The following DUSP22 variants were observed in gnomAD, a reference collection of about 807,000 sequenced individuals.
DUSP22 encodes dual specificity protein phosphatase 22.
In DUSP22, 24 loss-of-function variants were observed where a neutral mutation model predicts 24.5. The ratio of observed to expected loss-of-function variants is 0.98; its 90% CI spans 0.71 to 1.38. DUSP22 has a LOEUF of 1.38. DUSP22 is among the 40% of genes most tolerant of loss of function. DUSP22 has a pLI of 0.00. For synonymous variants in DUSP22, 160 were observed against 106.4 expected (o/e 1.50, Z -3.10); for missense variants, 330 against 269.2 (o/e 1.23, Z -1.58).
At chr6:345,993 G>A (rs946445032) in intron 5 of DUSP22, 65 bp downstream of exon 5, 8 of 1,588,658 alleles carry the variant, frequency 5.0e-6, no homozygotes, top group Non-Finnish European at 6.0e-6. Context: ...CCCATCAAGT[G>A]TTTTTCCGTG....
chr6:339,313 A>G (rs1017509010), intron 4 of DUSP22, among the ~76,000 whole-genome samples: 2 of 152,308 alleles, frequency 1.3e-5, no homozygotes, highest in African/African-American at 2.4e-5. Context: ...TAAAATGCCT[A>G]TCTCACAGGG....
At chr6:315,247 C>G (rs1317305955) in intron 3 of DUSP22, among the ~76,000 whole-genome samples, 1 of 152,428 alleles carries the variant, frequency 6.6e-6, no homozygotes, top group East Asian at 1.9e-4. Flanking sequence ...GCCCTAAATT[C>G]ACATCTGAGA....
intron 3 of DUSP22, among the ~76,000 whole-genome samples, chr6:333,754 G>C (rs1308803156): frequency 1.3e-5 from 2 of 152,282 alleles, no homozygotes; most frequent in East Asian, 3.8e-4. Flanking sequence ...GCCCCGCAAA[G>C]AGCATGTGCT....
At chr6:293,535 G>C (rs1326086986) in intron 1 of DUSP22, among the ~76,000 whole-genome samples, 1 of 152,386 alleles carries the variant, frequency 6.6e-6, no homozygotes, top group Middle Eastern at 3.4e-3. Flanking sequence ...TCTACATGCC[G>C]TCAGCTTCCA....
intron 3 of DUSP22, among the ~76,000 whole-genome samples, chr6:331,944 C>T (rs928044428): frequency 2.6e-5 from 4 of 152,306 alleles, no homozygotes; most frequent in African/African-American, 7.2e-5. Context: ...CGCTGGTGTC[C>T]CTTGAGCATG....
At chr6:329,828 CTG>C (rs1171137176) in intron 3 of DUSP22, among the ~76,000 whole-genome samples, 8 of 152,388 alleles carry the variant, frequency 5.2e-5, no homozygotes, top group African/African-American at 1.7e-4. Flanking sequence ...GAGTCTTCTG[CTG>C]TGTGTGTTTC....
intron 1 of DUSP22, among the ~76,000 whole-genome samples, chr6:296,576 CAA>C: frequency 6.6e-6 from 1 of 152,418 alleles, no homozygotes; most frequent in Non-Finnish European, 1.5e-5. Context: ...CTAGTTGACT[CAA>C]AGTTCTCTCG....
intron 3 of DUSP22, among the ~76,000 whole-genome samples, chr6:317,051 T>C (rs1338479100): frequency 6.6e-6 from 1 of 152,310 alleles, no homozygotes; most frequent in East Asian, 1.9e-4. Flanking sequence ...TATATTTCTT[T>C]TAACATTGAA....
At chr6:347,694 G>C (rs1759947533) in intron 5 of DUSP22, among the ~76,000 whole-genome samples, 2 of 152,302 alleles carry the variant, frequency 1.3e-5, no homozygotes, top group Admixed American at 6.5e-5. Flanking sequence ...GACTTTTAAG[G>C]AACATGAAGC....
intron 1 of DUSP22, among the ~76,000 whole-genome samples, chr6:304,382 G>C (rs1261782805): frequency 5.3e-5 from 8 of 152,300 alleles, no homozygotes; most frequent in African/African-American, 1.9e-4. Flanking sequence ...CACCAGCACT[G>C]CAGGGCTGCA....
In DUSP22 at chr6:350,926, A is replaced by G; in HGVS notation, c.*1975A>G. 1 of 1,607,532 alleles carries G rather than the reference A, an allele frequency of 6.2e-7. No individual in the cohort carries two copies. Among genetic ancestry groups the G allele is most frequent in the Non-Finnish European group, 8.5e-7 (1 of 1,174,982 alleles). On this transcript the variant is annotated 3_prime_UTR_variant, in exon 7 of 7. Coordinates refer to ENST00000419235, the MANE Select transcript of DUSP22 (RefSeq NM_001286555.3). ...ACAGAGTTTAGGCTGGTGCTGCCAA[A>G]AAGAAAAGCAACATAGAGTTTAAGT...
intron 1 of DUSP22, among the ~76,000 whole-genome samples, chr6:297,481 G>T (rs1001796206): frequency 1.3e-5 from 2 of 152,306 alleles, no homozygotes; most frequent in African/African-American, 2.4e-5. Flanking sequence ...GGCATAGACC[G>T]GTGTTCCTCA....
At chr6:293,228 A>T (rs1757176273) in intron 1 of DUSP22, among the ~76,000 whole-genome samples, 1 of 152,248 alleles carries the variant, frequency 6.6e-6, no homozygotes, top group Non-Finnish European at 1.5e-5. Context: ...TCTGGGCCCC[A>T]CCCTGTGTTC....
chr6:310,053 T>C (rs1758002866), intron 2 of DUSP22, among the ~76,000 whole-genome samples: 1 of 152,304 alleles, frequency 6.6e-6, no homozygotes, highest in Admixed American at 6.5e-5. Context: ...CTCCGCCTCC[T>C]GGGTTCAAGC....
chr6:348,251 T>C lies in DUSP22; in HGVS notation c.412T>C (p.Phe138Leu), dbSNP rs1178380104. ...NVGFQRQLQEFEKHEVHQYRQ... is the reference protein window; with the variant it reads ...NVGFQRQLQELEKHEVHQYRQ... ...GGGCTTCCAGAGACAGCTCCAGGAG[T>C]TTGAGAAGCATGAGGTCCATCAGGT... The change falls in exon 6 of 7, where the codon TTT (phenylalanine) becomes CTT (leucine). Residue 138 changes from phenylalanine (F) to leucine (L), a missense_variant. By Grantham distance (22) the Phe-to-Leu change is conservative. Coordinates refer to ENST00000419235, the MANE Select transcript of DUSP22 (RefSeq NM_001286555.3). 1.9e-6 allele frequency: 3 copies of C among 1,614,152 alleles called. No homozygotes were observed. The highest frequency in any genetic ancestry group is 2.5e-6 in the Non-Finnish European group (3 of 1,180,054).
intron 3 of DUSP22, among the ~76,000 whole-genome samples, chr6:313,837 TG>T (rs1237196315): frequency 6.6e-6 from 1 of 152,300 alleles, no homozygotes; most frequent in Non-Finnish European, 1.5e-5. Flanking sequence ...AGCCTCTGAT[TG>T]CACAGTGGGG....
At chr6:320,914 G>T (rs1460175963) in intron 3 of DUSP22, among the ~76,000 whole-genome samples, 2 of 152,428 alleles carry the variant, frequency 1.3e-5, no homozygotes, top group South Asian at 2.1e-4. Flanking sequence ...CTACCTTGCA[G>T]CAGGGATTGG....
chr6:294,363 C>T (rs1757230834), intron 1 of DUSP22, among the ~76,000 whole-genome samples: 1 of 151,634 alleles, frequency 6.6e-6, no homozygotes, highest in Non-Finnish European at 1.5e-5. Flanking sequence ...GGGGAGGGGG[C>T]AAAGGGAGTA....
chr6:296,435 C>T (rs961113022), intron 1 of DUSP22, among the ~76,000 whole-genome samples: 8 of 152,302 alleles, frequency 5.3e-5, no homozygotes, highest in African/African-American at 7.2e-5. Flanking sequence ...CAGTCTGGCT[C>T]GGCCACAATG....
Sources: gnomAD v4.1 joint callset for allele counts (sites outside exome capture counted in the v4.1 genomes callset) on GRCh38, gnomAD v4.1.1 for gene constraint, MANE v1.5 for transcripts, NCBI Gene and HGNC (gene_info 2026-07-23, HGNC 2026-07-21) for gene names.